The following MRM2 variants were observed in gnomAD, a reference collection of about 807,000 sequenced individuals.
MRM2 encodes the protein mitochondrial rRNA methyltransferase 2, also known as rRNA methyltransferase 2, mitochondrial.
A neutral mutation model predicts 10.9 loss-of-function variants in MRM2; 15 were observed. The observed-to-expected ratio is 1.37, with a 90% confidence interval of 0.92 to 2.11. MRM2 has a LOEUF of 2.11. Ranked by LOEUF, MRM2 falls within the 30% of genes most tolerant of loss-of-function variation. The pLI, the probability that MRM2 is intolerant of heterozygous loss-of-function variation, is 0.00. For missense variants in MRM2, 328 were observed against 321.3 expected (o/e 1.02, Z -0.16); for synonymous variants, 139 against 128.7 (o/e 1.08, Z -0.54).
rs1386400186 is a variant in MRM2 at position 2,235,293 on chromosome 7, T to A, written c.570A>T (p.Thr190=). The part of the protein sequence containing the change: ...VTPDILQPGG[T]FLCKTWAGSQ... The stretch of plus-strand genomic sequence containing the variant: ...TTCCAGCCCAGGTTTTACAAAGGAA[T>A]GTCCCCCCAGGTTGCAGGATGTCTG... The change falls in exon 3 of 3, where the codon ACA becomes ACT. Residue 190 remains threonine, a synonymous_variant. Coordinates refer to ENST00000242257, the MANE Select transcript of MRM2 (RefSeq NM_013393.3). The A allele has an allele frequency of 6.2e-7, 1 of 1,614,156 alleles. No individual in the cohort carries two copies. Among genetic ancestry groups the A allele is most frequent in the Non-Finnish European group, 8.5e-7 (1 of 1,180,024 alleles).
At chr7:2,236,003 G>A (rs1185485697) in intron 2 of MRM2, among the ~76,000 whole-genome samples, 1 of 152,196 alleles carries the variant, frequency 6.6e-6, no homozygotes, top group Non-Finnish European at 1.5e-5. Flanking sequence ...GCTGACACGG[G>A]TGGATCACCT....
intron 1 of MRM2, 100 bp downstream of exon 1, chr7:2,242,062 C>T: frequency 1.5e-6 from 2 of 1,294,784 alleles, no homozygotes; most frequent in Non-Finnish European, 2.1e-6. Flanking sequence ...CGGTGCCCAG[C>T]GCTCGGCACC....
At chr7:2,239,084 G>C in intron 2 of MRM2, 1 of 735,040 alleles carries the variant, frequency 1.4e-6, no homozygotes, top group East Asian at 2.5e-5. Context: ...CTGCAAATTA[G>C]CAAGAAAAGT....
Position 2,239,492 on chromosome 7 carries a change from C to T in MRM2, c.224G>A (p.Arg75Gln), listed in dbSNP as rs143741179. The T allele has an allele frequency of 3.4e-4, 553 of 1,613,868 alleles. 1 individual carries two copies. In the African/African-American group the frequency reaches 5.6e-3, roughly 16 times the overall value. ...AGGAGCTGCCCCACAGTCTAACACCCGAAGGCCGGGCCGCAGAATCTGGTG... is the reference window on the plus strand; with the variant it reads ...AGGAGCTGCCCCACAGTCTAACACCTGAAGGCCGGGCCGCAGAATCTGGTG... ...ERHQILRPGLRVLDCGAAPGA... is the reference protein window; with the variant it reads ...ERHQILRPGLQVLDCGAAPGA... Residue 75 changes from arginine to glutamine, a missense_variant, in exon 2 of 3, where the codon CGG (arginine) becomes CAG (glutamine). By Grantham distance (43) the Arg-to-Gln change is conservative (BLOSUM62 1). Coordinates refer to ENST00000242257, the MANE Select transcript of MRM2 (RefSeq NM_013393.3).
intron 2 of MRM2, chr7:2,238,527 C>T (rs762638606): frequency 6.6e-6 from 1 of 152,216 alleles, no homozygotes; most frequent in Non-Finnish European, 1.5e-5. Flanking sequence ...TAGCCCTGGC[C>T]ATGAAGCCTC....
At chr7:2,239,757 G>A (rs1794488704) in intron 1 of MRM2, 50 bp from the exon 2 acceptor site, 7 of 1,552,514 alleles carry the variant, frequency 4.5e-6, no homozygotes, top group Non-Finnish European at 6.2e-6. Flanking sequence ...CAGAACGGCA[G>A]GTCATGAGCT....
At chr7:2,236,664 A>G (rs905006603) in intron 2 of MRM2, among the ~76,000 whole-genome samples, 3 of 152,226 alleles carry the variant, frequency 2.0e-5, no homozygotes, top group African/African-American at 7.2e-5. Flanking sequence ...AAATACCTGG[A>G]CTTCCAATGT....
intron 1 of MRM2, among the ~76,000 whole-genome samples, chr7:2,241,725 G>A (rs781221393): frequency 6.6e-6 from 1 of 152,256 alleles, no homozygotes; most frequent in Non-Finnish European, 1.5e-5. Flanking sequence ...ACTGACTGCT[G>A]ACCGTGAGTC....
chr7:2,242,110 G>A (rs1794560017), intron 1 of MRM2, 52 bp downstream of exon 1: 16 of 1,572,560 alleles, frequency 1.0e-5, no homozygotes, highest in Middle Eastern at 1.8e-4. Context: ...CGACCGGGCG[G>A]ACCCCCAACC....
In MRM2 at chr7:2,239,523, C is replaced by A; in HGVS notation, c.193G>T (p.Glu65Ter). ...RSAFKLLEVN[E>*]RHQILRPGLR... ...CCGGGCCGCAGAATCTGGTGCCTCT[C>A]GTTCACCTCCAGGAGCTTGAAGGCG... Residue 65 changes from glutamate (E) to a stop codon, truncating the protein, a stop_gained, in exon 2 of 3, where the codon GAG becomes TAG. Transcript: ENST00000242257. LOFTEE classifies it high-confidence loss of function. The A allele has an allele frequency of 6.2e-7, 1 of 1,614,050 alleles. No homozygotes were observed. Among genetic ancestry groups the A allele is most frequent in the Non-Finnish European group, 8.5e-7 (1 of 1,180,026 alleles).
rs751154315 is a variant in MRM2, at chr7:2,242,158, T to TCACCCCGCC, written c.3_8+3dup. ...TGCACGCGCAGCAGCAGCGCCCAGC[T>TCACCCCGCC]CACCCCGCCATTGGTGTTCCCCGCG... On this transcript the variant is annotated splice_donor_region_variant and intron_variant, in intron 1 of 2. Coordinates refer to ENST00000242257, the MANE Select transcript of MRM2 (RefSeq NM_013393.3). 1.5e-5 allele frequency: 24 copies of TCACCCCGCC among 1,582,188 alleles called. No homozygotes were observed. The highest frequency in any genetic ancestry group is 2.0e-5 in the Non-Finnish European group (23 of 1,168,634).
chr7:2,238,159 T>C (rs1034696428), intron 2 of MRM2: 3 of 152,204 alleles, frequency 2.0e-5, no homozygotes, highest in Non-Finnish European at 2.9e-5. Context: ...TGGGAGAGAC[T>C]TGGGAGAGCT....
At chr7:2,237,976 G>C (rs1164579260) in intron 2 of MRM2, 5 of 152,134 alleles carry the variant, frequency 3.3e-5, no homozygotes, top group African/African-American at 1.2e-4. Context: ...GCCACCCAAG[G>C]GGATGCAGGT....
Position 2,242,196 on chromosome 7 carries a change from C to T in MRM2, c.-27G>A, listed in dbSNP as rs370551934. ...GGTGTTCCCCGCGCCTGCAGCGCGCCGCCGGAAGTGCCTGGCCTCACTTCC... is the reference window on the plus strand; with the variant it reads ...GGTGTTCCCCGCGCCTGCAGCGCGCTGCCGGAAGTGCCTGGCCTCACTTCC... On this transcript the variant is annotated 5_prime_UTR_variant, in exon 1 of 3. Transcript: ENST00000242257. 2.1e-5 allele frequency: 33 copies of T among 1,571,638 alleles called. No individual in the cohort carries two copies. The highest frequency in any genetic ancestry group is 2.8e-5 in the Non-Finnish European group (33 of 1,165,076).
At chr7:2,239,096 T>C (rs1794474215) in intron 2 of MRM2, 5 of 756,860 alleles carry the variant, frequency 6.6e-6, no homozygotes, top group Non-Finnish European at 9.9e-6. Context: ...AAGAAAAGTA[T>C]GGCACAACAT....
chr7:2,239,014 T>TAC (rs1562401714), intron 2 of MRM2: 1 of 13,768 alleles, frequency 7.3e-5, no homozygotes, highest in Admixed American at 7.5e-4. Context: ...TATATATATA[T>TAC]ATATATATAT....
chr7:2,242,118 A>G, intron 1 of MRM2, 44 bp downstream of exon 1: 3 of 1,579,646 alleles, frequency 1.9e-6, no homozygotes, highest in Non-Finnish European at 2.6e-6. Context: ...CGGACCCCCA[A>G]CCACTCCCGC....
Position 2,239,430 on chromosome 7 carries a change from C to T in MRM2, c.286G>A (p.Ala96Thr), listed in dbSNP as rs762253417. The T allele has an allele frequency of 3.2e-5, 52 of 1,608,250 alleles. No individual in the cohort carries two copies. The highest frequency in any genetic ancestry group is 8.0e-5 in the African/African-American group (6 of 74,842). ...WSQVAVQKVNAAGTDPSSPVG... is the reference protein window; with the variant it reads ...WSQVAVQKVNTAGTDPSSPVG... Reference sequence around the variant, plus strand: ...TGCAGAGGCCCACCTGTGCCTGCGGCGTTGACCTTCTGCACCGCCACCTGA... The same window carrying T: ...TGCAGAGGCCCACCTGTGCCTGCGGTGTTGACCTTCTGCACCGCCACCTGA... Residue 96 changes from alanine to threonine, a missense_variant, in exon 2 of 3, where the codon GCC (alanine) becomes ACC (threonine). Transcript: ENST00000242257.
In MRM2 at chr7:2,239,780, G is replaced by A. The variant is rs541386201; in HGVS notation, c.9-73C>T. 2.2e-4 allele frequency: 302 copies of A among 1,353,894 alleles called. 2 individuals are homozygous for A. The highest frequency in any genetic ancestry group is 4.3e-5 in the African/African-American group (3 of 69,578). The allele number at this position is 1,353,894 out of a possible 1,614,324, so 83.9% of individuals were successfully genotyped here. ...CAGGTCATGAGCTGGGAGGGCCCTC[G>A]GATCAACTCATTCATTTCTAGAGAT... On this transcript the variant is annotated intron_variant, in intron 1 of 2. Coordinates refer to ENST00000242257, the MANE Select transcript of MRM2 (RefSeq NM_013393.3).
Sources: allele counts gnomAD v4.1 joint callset (sites outside exome capture counted in the v4.1 genomes callset), GRCh38; gene constraint gnomAD v4.1.1; transcripts MANE v1.5; gene names NCBI Gene and HGNC (gene_info 2026-07-23, HGNC 2026-07-21).